Variants in CACNA1H observed in about 807,000 individuals in gnomAD.
CACNA1H encodes the protein voltage-dependent T-type calcium channel subunit alpha-1H.
In CACNA1H, 149 loss-of-function variants were observed where a neutral mutation model predicts 192.5. The observed-to-expected ratio is 0.77, with a 90% confidence interval of 0.68 to 0.89. CACNA1H has a LOEUF of 0.89. CACNA1H is among the 40% of genes least tolerant of loss of function. The probability of loss-of-function intolerance (pLI) is 0.00; values close to 1 mark genes in which losing one functional copy is unlikely to be tolerated. For missense variants in CACNA1H, 4,257 were observed against 3,423.5 expected (o/e 1.24, Z -6.08); for synonymous variants, 2,202 against 1,475.2 (o/e 1.49, Z -11.29).
At chr16:1,154,584 G>C (rs980698561) in intron 2 of CACNA1H, among the ~76,000 whole-genome samples, 1 of 152,170 alleles carries the variant, frequency 6.6e-6, no homozygotes, top group Non-Finnish European at 1.5e-5. Context: ...AGGCGGTGAC[G>C]TTGGTTGTGA....
intron 6 of CACNA1H, among the ~76,000 whole-genome samples, chr16:1,199,668 C>T (rs34997164): frequency 6.7e-6 from 1 of 149,892 alleles, no homozygotes; most frequent in South Asian, 2.1e-4. Flanking sequence ...CCCCTCAACC[C>T]TCACCCCGGG....
Position 1,221,180 on chromosome 16 carries a change from C to G in CACNA1H, c.*186C>G, listed in dbSNP as rs749656562. 5 of 546,116 alleles carry G rather than the reference C, an allele frequency of 9.2e-6. No individual in the cohort carries two copies. Among genetic ancestry groups the G allele is most frequent in the Non-Finnish European group, 1.6e-5 (5 of 314,458 alleles). 33.8% of individuals were successfully genotyped at this position (546,116 alleles called of 1,614,324 possible). On this transcript the variant is annotated 3_prime_UTR_variant, in exon 35 of 35. Coordinates refer to ENST00000348261, the MANE Select transcript of CACNA1H (RefSeq NM_021098.3). ...AAGCAGGAGTAGCTGCCGGGCCCCA[C>G]GAGCCTCCGTCCGTTCTGGTTCGGG...
At position 1,210,498 on chromosome 16, in the gene CACNA1H, G is replaced by A; in HGVS notation, c.3969+5G>A. The stretch of plus-strand genomic sequence containing the variant: ...GACATTGATCCCGGCAGCACCGTGA[G>A]TCAGCCAACCCCATCGTCCCGGGCC... On this transcript the variant is annotated splice_donor_5th_base_variant and intron_variant, in intron 19 of 34. Coordinates refer to ENST00000348261, the MANE Select transcript of CACNA1H (RefSeq NM_021098.3). The A allele has an allele frequency of 6.2e-7, 1 of 1,611,684 alleles. No individual in the cohort carries two copies. Among genetic ancestry groups the A allele is most frequent in the Non-Finnish European group, 8.5e-7 (1 of 1,179,714 alleles).
At chr16:1,155,050 C>T (rs1412750417) in intron 2 of CACNA1H, among the ~76,000 whole-genome samples, 12 of 152,196 alleles carry the variant, frequency 7.9e-5, no homozygotes, top group African/African-American at 2.2e-4. Context: ...GACAGGCTGG[C>T]AGCAGGAGCG....
chr16:1,196,934 G>GC (rs1967053163), intron 5 of CACNA1H, among the ~76,000 whole-genome samples: 1 of 152,184 alleles, frequency 6.6e-6, no homozygotes, highest in Non-Finnish European at 1.5e-5. Flanking sequence ...TGTAGATGTG[G>GC]CCCCGTGTGT....
At chr16:1,206,601 G>C in intron 12 of CACNA1H, 1 of 459,908 alleles carries the variant, frequency 2.2e-6, no homozygotes, top group African/African-American at 2.0e-5. Flanking sequence ...GGGGTGTTCT[G>C]AGCGCCTGCT....
chr16:1,216,212 CTG>C (rs1317877386), intron 30 of CACNA1H, among the ~76,000 whole-genome samples: 1 of 152,210 alleles, frequency 6.6e-6, no homozygotes, highest in Non-Finnish European at 1.5e-5. Context: ...CCTGCGCCAT[CTG>C]TCACTTGCCC....
chr16:1,211,321 T>C (rs1224219757), intron 22 of CACNA1H, 27 bp downstream of exon 22: 5 of 1,612,222 alleles, frequency 3.1e-6, no homozygotes, highest in East Asian at 2.2e-5. Context: ...TGCCCGGGGG[T>C]CTGCCCCGTC....
chr16:1,168,174 TG>T (rs1401863249), intron 2 of CACNA1H, among the ~76,000 whole-genome samples: 2 of 150,960 alleles, frequency 1.3e-5, no homozygotes, highest in East Asian at 1.9e-4. Flanking sequence ...CCCCTCCAGT[TG>T]GGGCGGTTGA....
At chr16:1,179,505 C>T (rs545381073) in intron 2 of CACNA1H, among the ~76,000 whole-genome samples, 2 of 151,902 alleles carry the variant, frequency 1.3e-5, no homozygotes, top group South Asian at 4.2e-4. Context: ...CTCGGCTCAC[C>T]CCAATCTCCG....
chr16:1,161,084 C>T (rs1963140546), intron 2 of CACNA1H, among the ~76,000 whole-genome samples: 2 of 152,158 alleles, frequency 1.3e-5, no homozygotes, highest in South Asian at 2.1e-4. Context: ...ACCCCCAGCC[C>T]TGCTTTGATG....
Position 1,207,536 on chromosome 16 carries a change from G to A in CACNA1H, c.3063+106G>A. ...GGGGCCTGCCAAGAGGTGAGGGATA[G>A]AGAAGGGAAGCTGGCTGCCATGAGG... On this transcript the variant is annotated intron_variant, in intron 14 of 34. Coordinates refer to ENST00000348261, the MANE Select transcript of CACNA1H (RefSeq NM_021098.3). 3 of 1,270,232 alleles carry A rather than the reference G, an allele frequency of 2.4e-6. No individual in the cohort carries two copies. In the Admixed American group the frequency reaches 6.2e-5, roughly 26 times the overall value. 78.7% of individuals were successfully genotyped at this position (1,270,232 alleles called of 1,614,324 possible).
At chr16:1,214,022 C>T (rs1426015265) in intron 27 of CACNA1H, 91 bp downstream of exon 27, 47 of 1,135,908 alleles carry the variant, frequency 4.1e-5, no homozygotes, top group Non-Finnish European at 5.5e-5. Flanking sequence ...ACCGGCGCTC[C>T]GCTGAGCCCT....
chr16:1,220,140 C>T lies in CACNA1H; in HGVS notation c.6208C>T (p.Arg2070Cys), dbSNP rs758461760. ...CCCACGGCCCGCCAGCGTCCGCACT[C>T]GTAAGCATACCTTCGGACAGCGCTG... ...RSPRPASVRT[R>C]KHTFGQRCVS... Residue 2070 changes from arginine (R) to cysteine (C), a missense_variant, in exon 35 of 35, where the codon CGT becomes TGT. Physicochemically the swap from Arg to Cys is radical, Grantham distance 180. Coordinates refer to ENST00000348261, the MANE Select transcript of CACNA1H (RefSeq NM_021098.3). 10 of 1,506,398 alleles carry T rather than the reference C, an allele frequency of 6.6e-6. No individual in the cohort carries two copies. The highest frequency in any genetic ancestry group is 8.0e-6 in the Non-Finnish European group (9 of 1,129,130). The allele number at this position is 1,506,398 out of a possible 1,614,324, so 93.3% of individuals were successfully genotyped here.
chr16:1,212,532 C>A lies in CACNA1H; in HGVS notation c.4777+4C>A. ...CCAGGCACTTTCCCCAGCCCAGGTA[C>A]CGGCCCTGTCCCGCATGCCTCAGGC... On this transcript the variant is annotated splice_donor_region_variant and intron_variant, in intron 26 of 34. Transcript: ENST00000348261. 6.2e-7 allele frequency: 1 copy of A among 1,610,646 alleles called. No homozygotes were observed. The highest frequency in any genetic ancestry group is 8.5e-7 in the Non-Finnish European group (1 of 1,178,970).
chr16:1,217,725 C>T (rs1970147170), intron 31 of CACNA1H, among the ~76,000 whole-genome samples, 194 bp from the exon 32 acceptor site: 1 of 152,240 alleles, frequency 6.6e-6, no homozygotes, highest in African/African-American at 2.4e-5. Context: ...CAGCAGGGGC[C>T]TCGGCCCAGG....
intron 5 of CACNA1H, 115 bp downstream of exon 5, chr16:1,196,138 G>A: frequency 1.2e-6 from 1 of 819,444 alleles, no homozygotes; most frequent in Non-Finnish European, 2.0e-6. Flanking sequence ...AGGTTACCAG[G>A]CACTCCGGCC....
rs775010247 is a variant in CACNA1H, at chr16:1,212,011, C to T, written c.4632C>T (p.Phe1544=). The T allele has an allele frequency of 3.7e-6, 6 of 1,613,588 alleles. No homozygotes were observed. The highest frequency in any genetic ancestry group is 1.7e-4 in the Middle Eastern group (1 of 5,956). Residue 1544 remains phenylalanine, a synonymous_variant, in exon 25 of 35, where the codon TTC becomes TTT. Transcript: ENST00000348261. ...YFISFLLIVS[F]FVLNMFVGVV... is the part of the protein sequence containing the mutation. ...TCTCCTTCCTGCTCATCGTCAGCTT[C>T]TTCGTGCTCAACATGTTCGTGGGCG...
At position 1,217,909 on chromosome 16, in the gene CACNA1H, C is replaced by G; in HGVS notation, c.5324-10C>G. 6.3e-7 allele frequency: 1 copy of G among 1,595,236 alleles called. No individual in the cohort carries two copies. The highest frequency in any genetic ancestry group is 1.7e-5 in the Admixed American group (1 of 58,090). On this transcript the variant is annotated splice_polypyrimidine_tract_variant and intron_variant, in intron 31 of 34. Coordinates refer to ENST00000348261, the MANE Select transcript of CACNA1H (RefSeq NM_021098.3). The stretch of plus-strand genomic sequence containing the variant: ...GCTCGGCTGACCGGGCGGGGTCTCC[C>G]TCCCCGCAGAGTGCAGTGAAGACAA...
Sources: allele counts gnomAD v4.1 joint callset (sites outside exome capture counted in the v4.1 genomes callset), GRCh38; gene constraint gnomAD v4.1.1; transcripts MANE v1.5; gene names NCBI Gene and HGNC (gene_info 2026-07-23, HGNC 2026-07-21).